The following SLC35F1 variants were observed in gnomAD, a reference collection of about 807,000 sequenced individuals.
SLC35F1 encodes solute carrier family 35 member F1.
A neutral mutation model predicts 48.7 loss-of-function variants in SLC35F1; 14 were observed. The ratio of observed to expected loss-of-function variants is 0.29; its 90% CI spans 0.19 to 0.45. SLC35F1 has a LOEUF of 0.45. SLC35F1 is among the 20% of genes least tolerant of loss of function. The pLI is 1.00. For synonymous variants in SLC35F1, 190 were observed against 202.2 expected (o/e 0.94, Z 0.51); for missense variants, 404 against 500.0 (o/e 0.81, Z 1.83).
intron 2 of SLC35F1, among the ~76,000 whole-genome samples, chr6:118,223,243 G>A (rs531022349): frequency 2.6e-5 from 4 of 152,228 alleles, no homozygotes; most frequent in South Asian, 2.1e-4. Flanking sequence ...GAGAGACCTC[G>A]GAAAAATAAC....
intron 2 of SLC35F1, among the ~76,000 whole-genome samples, chr6:118,191,355 A>G (rs76083643): frequency 0.027 from 4,050 of 152,278 alleles, 69 homozygotes; most frequent in Middle Eastern, 0.038. Context: ...CAGACCCCCT[A>G]TTCATTTCTA....
At chr6:117,938,922 C>T (rs1360668733) in intron 1 of SLC35F1, among the ~76,000 whole-genome samples, 2 of 150,530 alleles carry the variant, frequency 1.3e-5, no homozygotes, top group African/African-American at 4.9e-5. Context: ...TACAGGCAGT[C>T]CCCTCTGTCC....
intron 1 of SLC35F1, among the ~76,000 whole-genome samples, chr6:117,970,877 C>T (rs1776629103): frequency 6.6e-6 from 1 of 152,172 alleles, no homozygotes; most frequent in Non-Finnish European, 1.5e-5. Flanking sequence ...GGAACTACAA[C>T]TCAAGATTAG....
At chr6:118,229,722 A>G (rs1490635832) in intron 2 of SLC35F1, among the ~76,000 whole-genome samples, 2 of 152,186 alleles carry the variant, frequency 1.3e-5, no homozygotes, top group Non-Finnish European at 2.9e-5. Flanking sequence ...TCTAATATAT[A>G]TAGGGTTTTA....
At chr6:118,069,612 T>C (rs1303199851) in intron 1 of SLC35F1, among the ~76,000 whole-genome samples, 3 of 152,158 alleles carry the variant, frequency 2.0e-5, no homozygotes, top group South Asian at 2.1e-4. Flanking sequence ...AAGCAGAAGA[T>C]TGTCAAAGCA....
At chr6:118,205,585 A>G (rs998909346) in intron 2 of SLC35F1, among the ~76,000 whole-genome samples, 1 of 152,194 alleles carries the variant, frequency 6.6e-6, no homozygotes, top group African/African-American at 2.4e-5. Flanking sequence ...GCTATGGAAA[A>G]TGGTTCCTCA....
intron 1 of SLC35F1, among the ~76,000 whole-genome samples, chr6:117,923,702 T>TATATGCAC (rs1775958050): frequency 5.7e-5 from 1 of 17,486 alleles, no homozygotes; most frequent in African/African-American, 1.5e-4. Flanking sequence ...TACATATACA[T>TATATGCAC]ATATGTACAT....
intron 1 of SLC35F1, among the ~76,000 whole-genome samples, chr6:118,098,108 T>C (rs189718484): frequency 1.4e-4 from 21 of 152,338 alleles, no homozygotes; most frequent in Admixed American, 1.1e-3. Context: ...TAGGTGAAGA[T>C]ACAATGAACA....
intron 1 of SLC35F1, among the ~76,000 whole-genome samples, chr6:118,001,881 C>G (rs1777102807): frequency 6.6e-6 from 1 of 151,470 alleles, no homozygotes; most frequent in South Asian, 2.1e-4. Context: ...CAGAGAAATG[C>G]AAATCAAAAC....
chr6:117,951,002 G>A (rs1776356692), intron 1 of SLC35F1, among the ~76,000 whole-genome samples: 1 of 152,116 alleles, frequency 6.6e-6, no homozygotes, highest in Non-Finnish European at 1.5e-5. Flanking sequence ...TCACAGACAT[G>A]TACAACTGAA....
At chr6:118,224,838 T>A (rs1775194060) in intron 2 of SLC35F1, among the ~76,000 whole-genome samples, 1 of 152,194 alleles carries the variant, frequency 6.6e-6, no homozygotes, top group Non-Finnish European at 1.5e-5. Context: ...AAATATAAGA[T>A]CATATCATGT....
intron 2 of SLC35F1, among the ~76,000 whole-genome samples, chr6:118,161,499 T>C (rs1414673472): frequency 6.6e-6 from 1 of 152,136 alleles, no homozygotes; most frequent in African/African-American, 2.4e-5. Context: ...TATAACTCCT[T>C]TGGGAGTCAT....
At chr6:117,965,660 C>A (rs958653060) in intron 1 of SLC35F1, among the ~76,000 whole-genome samples, 2 of 152,174 alleles carry the variant, frequency 1.3e-5, no homozygotes, top group Admixed American at 6.5e-5. Context: ...TATGTGTTTG[C>A]TCTGGCTGAC....
intron 3 of SLC35F1, among the ~76,000 whole-genome samples, chr6:118,254,802 A>G (rs539611384): frequency 6.6e-6 from 1 of 152,248 alleles, no homozygotes; most frequent in African/African-American, 2.4e-5. Flanking sequence ...TGTTACTGTT[A>G]ATGTTCCTAT....
At position 117,968,646 on chromosome 6, in the gene SLC35F1, G is replaced by T. The variant is rs532569565; in HGVS notation, c.173+60747G>T. 3.3e-5 allele frequency among the ~76,000 whole-genome samples: 5 copies of T among 152,220 alleles called. No homozygotes were observed. In the South Asian group the frequency reaches 1.0e-3, roughly 32 times the overall value. ...AGTTGTATACTCAGAAGTGGTTTGGGATATCTAATACCCAATCTTTGGTAT... is the reference window on the plus strand; with the variant it reads ...AGTTGTATACTCAGAAGTGGTTTGGTATATCTAATACCCAATCTTTGGTAT... On this transcript the variant is annotated intron_variant, in intron 1 of 7. Transcript: ENST00000360388.
rs573981979 is a variant in SLC35F1, at chr6:118,059,384, A to G, written c.174-95061A>G. Among the ~76,000 whole-genome samples, 7 of 152,308 alleles carry G rather than the reference A, an allele frequency of 4.6e-5. No homozygotes were observed. In the South Asian group the frequency reaches 1.0e-3, roughly 23 times the overall value. ...ACTCTGTAAATTGTCATAAAATGCT[A>G]CGGTAAGCTTTCTTTTCTATATTCT... On this transcript the variant is annotated intron_variant, in intron 1 of 7. Transcript: ENST00000360388.
chr6:117,976,042 AGG>A (rs1776701345), intron 1 of SLC35F1, among the ~76,000 whole-genome samples: 1 of 152,232 alleles, frequency 6.6e-6, no homozygotes, highest in African/African-American at 2.4e-5. Flanking sequence ...ATTGAATGTC[AGG>A]CACTTTCCCA....
At chr6:118,156,586 A>T (rs918207662) in intron 2 of SLC35F1, among the ~76,000 whole-genome samples, 1 of 152,070 alleles carries the variant, frequency 6.6e-6, no homozygotes, top group Non-Finnish European at 1.5e-5. Context: ...TGACGAGTTG[A>T]TGGCAAACCA....
intron 1 of SLC35F1, among the ~76,000 whole-genome samples, chr6:118,153,391 C>T (rs138904114): frequency 6.2e-3 from 942 of 152,244 alleles, no homozygotes; most frequent in Non-Finnish European, 8.3e-3. Context: ...TGTATCGAAA[C>T]ATGAGACTGT....
Sources: allele counts gnomAD v4.1 joint callset (sites outside exome capture counted in the v4.1 genomes callset), GRCh38; gene constraint gnomAD v4.1.1; transcripts MANE v1.5; gene names NCBI Gene and HGNC (gene_info 2026-07-23, HGNC 2026-07-21).